Variants in XIRP2 observed in about 807,000 individuals in gnomAD.
XIRP2 encodes xin actin binding repeat containing 2.
XIRP2 carries 236 observed loss-of-function variants against 277.0 expected under a neutral mutation model. The observed-to-expected ratio is 0.85, with a 90% CI of 0.77 to 0.95. XIRP2 has a LOEUF of 0.95. Ranked by LOEUF, XIRP2 falls within the 40% of genes least tolerant of loss-of-function variation. The pLI is 0.00. For missense variants in XIRP2, 4,640 were observed against 4,157.5 expected, an observed-to-expected ratio of 1.12 and a Z score of -3.19; for synonymous variants, 1,490 against 1,416.5, an observed-to-expected ratio of 1.05 and a Z score of -1.17.
chr2:166,888,591 T>C (rs575109744), intron 1 of XIRP2, 34 bp downstream of exon 1: 2 of 152,188 alleles, frequency 1.3e-5, no homozygotes, highest in South Asian at 2.1e-4. Flanking sequence ...ACTTCTTTCA[T>C]AATTTTTTCT....
chr2:167,008,782 T>C (rs908681087), intron 2 of XIRP2, among the ~76,000 whole-genome samples: 9 of 151,596 alleles, frequency 5.9e-5, no homozygotes, highest in African/African-American at 2.2e-4. Flanking sequence ...GTTAATGTAA[T>C]ATCCATTCAA....
chr2:167,214,294 A>G (rs140932039), intron 4 of XIRP2, among the ~76,000 whole-genome samples: 3 of 100,918 alleles, frequency 3.0e-5, no homozygotes, highest in African/African-American at 1.4e-4. Context: ...GGAGGGAGGG[A>G]GGGAGGAAGG....
intron 2 of XIRP2, among the ~76,000 whole-genome samples, chr2:166,912,733 G>A (rs1051936229): frequency 6.6e-6 from 1 of 152,092 alleles, no homozygotes; most frequent in Non-Finnish European, 1.5e-5. Flanking sequence ...CCATCTTTGT[G>A]GTTTTATCTA....
At chr2:167,065,498 C>A (rs1418381788) in intron 2 of XIRP2, among the ~76,000 whole-genome samples, 2 of 151,766 alleles carry the variant, frequency 1.3e-5, no homozygotes, top group Non-Finnish European at 3.0e-5. Flanking sequence ...CTTTGAAACA[C>A]AAACTTTTTT....
intron 2 of XIRP2, among the ~76,000 whole-genome samples, chr2:167,090,874 C>G (rs1187517500): frequency 6.6e-6 from 1 of 152,052 alleles, no homozygotes; most frequent in Non-Finnish European, 1.5e-5. Context: ...AACCCAAACA[C>G]CATCCACTAG....
At chr2:167,180,910 A>G (rs568913632) in intron 3 of XIRP2, among the ~76,000 whole-genome samples, 1 of 152,284 alleles carries the variant, frequency 6.6e-6, no homozygotes, top group South Asian at 2.1e-4. Flanking sequence ...TCTGAATTAT[A>G]TCTAAAATCT....
intron 2 of XIRP2, among the ~76,000 whole-genome samples, chr2:167,023,112 A>G (rs1688033530): frequency 6.6e-6 from 1 of 152,060 alleles, no homozygotes; most frequent in Admixed American, 6.6e-5. Flanking sequence ...CCCCTCCAGC[A>G]CCTGTTGTTT....
chr2:167,162,301 A>G (rs1278791089), intron 3 of XIRP2, among the ~76,000 whole-genome samples: 1 of 152,168 alleles, frequency 6.6e-6, no homozygotes, highest in Non-Finnish European at 1.5e-5. Context: ...TACTGGTACC[A>G]ATTTGCTGTA....
intron 3 of XIRP2, among the ~76,000 whole-genome samples, chr2:167,160,765 A>G (rs956158136): frequency 1.1e-4 from 16 of 152,160 alleles, no homozygotes; most frequent in African/African-American, 3.1e-4. Flanking sequence ...CTCAAATCTC[A>G]TGTCCTCACA....
intron 3 of XIRP2, among the ~76,000 whole-genome samples, chr2:167,139,053 C>A (rs377730337): frequency 7.3e-5 from 11 of 150,756 alleles, no homozygotes; most frequent in Non-Finnish European, 1.2e-4. Flanking sequence ...GCCAACAGAG[C>A]GAGACTCTGT....
At chr2:167,184,901 T>C (rs1177799523) in intron 3 of XIRP2, among the ~76,000 whole-genome samples, 1 of 152,136 alleles carries the variant, frequency 6.6e-6, no homozygotes, top group African/African-American at 2.4e-5. Context: ...AAATTTTCAA[T>C]TTGAATGTAC....
chr2:167,201,192 A>AG, intron 3 of XIRP2, among the ~76,000 whole-genome samples: 1 of 9,326 alleles, frequency 1.1e-4, no homozygotes, highest in South Asian at 5.4e-3. Context: ...GAGAGAGAGA[A>AG]AGAAAGAAAG....
At chr2:167,083,683 G>T (rs1689819211) in intron 2 of XIRP2, among the ~76,000 whole-genome samples, 1 of 152,118 alleles carries the variant, frequency 6.6e-6, no homozygotes, top group African/African-American at 2.4e-5. Context: ...TGGATTCCTA[G>T]GTATTTTATT....
intron 3 of XIRP2, among the ~76,000 whole-genome samples, chr2:167,151,470 T>C (rs889290063): frequency 2.6e-5 from 4 of 152,076 alleles, no homozygotes; most frequent in Admixed American, 2.6e-4. Flanking sequence ...ACACAAAAAA[T>C]AAAGATGATA....
chr2:167,018,857 T>C (rs2105481644), intron 2 of XIRP2, among the ~76,000 whole-genome samples: 1 of 152,182 alleles, frequency 6.6e-6, no homozygotes, highest in Non-Finnish European at 1.5e-5. Context: ...CCGTAGAGCA[T>C]GCAAAACTTT....
At chr2:167,193,562 T>A (rs1693410762) in intron 3 of XIRP2, among the ~76,000 whole-genome samples, 1 of 152,090 alleles carries the variant, frequency 6.6e-6, no homozygotes, top group African/African-American at 2.4e-5. Flanking sequence ...CATAATAACA[T>A]CTCTTTTTAC....
chr2:167,073,816 T>C (rs1689495863), intron 2 of XIRP2, among the ~76,000 whole-genome samples: 1 of 152,188 alleles, frequency 6.6e-6, no homozygotes, highest in South Asian at 2.1e-4. Context: ...ATGTCTTTCA[T>C]GCTAAGCAGG....
intron 2 of XIRP2, among the ~76,000 whole-genome samples, chr2:167,023,283 C>G (rs1442763135): frequency 6.6e-6 from 1 of 152,052 alleles, no homozygotes; most frequent in Non-Finnish European, 1.5e-5. Flanking sequence ...ATGTCCTTCA[C>G]CCACTTTTTG....
At chr2:166,910,004 T>C (rs1684653872) in intron 2 of XIRP2, among the ~76,000 whole-genome samples, 1 of 152,190 alleles carries the variant, frequency 6.6e-6, no homozygotes, top group Non-Finnish European at 1.5e-5. Flanking sequence ...TGCTGCTGGA[T>C]TCGGTTTGCC....
Sources: gnomAD v4.1 joint callset for allele counts (sites outside exome capture counted in the v4.1 genomes callset) on GRCh38, gnomAD v4.1.1 for gene constraint, MANE v1.5 for transcripts, NCBI Gene and HGNC (gene_info 2026-07-23, HGNC 2026-07-21) for gene names.